Variants in RASAL2 observed in about 807,000 individuals in gnomAD.
RASAL2 encodes the protein RAS protein activator like 2.
RASAL2 carries 58 observed loss-of-function variants against 128.9 expected under a neutral mutation model. The observed-to-expected ratio is 0.45, with a 90% CI of 0.36 to 0.56. The LOEUF (loss-of-function observed/expected upper bound fraction) is 0.56. RASAL2 is among the 20% of genes least tolerant of loss of function. The probability of loss-of-function intolerance (pLI) is 0.00; values close to 1 mark genes in which losing one functional copy is unlikely to be tolerated. For missense variants in RASAL2, 1,360 were observed against 1,601.6 expected (o/e 0.85, Z 2.57); for synonymous variants, 561 against 580.8 (o/e 0.97, Z 0.49).
chr1:178,300,570 C>G (rs1198054043), intron 3 of RASAL2, among the ~76,000 whole-genome samples: 1 of 152,152 alleles, frequency 6.6e-6, no homozygotes, highest in African/African-American at 2.4e-5. Flanking sequence ...CTAAGTTAAT[C>G]TTGCATGTCT....
At position 178,094,685 on chromosome 1, in the gene RASAL2, CG is replaced by C; in HGVS notation, c.196del (p.Val66CysfsTer4). ...ESVCQQQSWV[R>X]VYDVKGPPTH... ...CGTGTGCCAGCAACAGAGCTGGGTCCGGGTGTACGGTAAGGACCACAGGCCG... is the reference window on the plus strand; with the variant it reads ...CGTGTGCCAGCAACAGAGCTGGGTCCGGTGTACGGTAAGGACCACAGGCCG... On this transcript the variant is annotated frameshift_variant, in exon 1 of 18. Transcript: ENST00000367649. LOFTEE classifies it high-confidence loss of function. 1 of 1,614,036 alleles carries C rather than the reference CG, an allele frequency of 6.2e-7. No individual in the cohort carries two copies. Among genetic ancestry groups the C allele is most frequent in the Non-Finnish European group, 8.5e-7 (1 of 1,180,030 alleles).
intron 3 of RASAL2, among the ~76,000 whole-genome samples, chr1:178,321,516 A>AT (rs903732506): frequency 2.7e-5 from 4 of 149,934 alleles, no homozygotes; most frequent in African/African-American, 7.4e-5. Context: ...TTGTTTTTCT[A>AT]TTTTTTTTAG....
chr1:178,201,881 G>A (rs189832815), intron 1 of RASAL2, among the ~76,000 whole-genome samples: 1 of 152,258 alleles, frequency 6.6e-6, no homozygotes, highest in Non-Finnish European at 1.5e-5. Context: ...CCAGACTTGA[G>A]CTAGTTTACA....
intron 3 of RASAL2, among the ~76,000 whole-genome samples, chr1:178,373,738 G>A (rs192136250): frequency 1.3e-5 from 2 of 152,100 alleles, no homozygotes; most frequent in East Asian, 3.9e-4. Context: ...ACAAAGATGA[G>A]TAAATAAAAA....
chr1:178,264,281 A>G (rs1665836224), intron 1 of RASAL2, among the ~76,000 whole-genome samples: 1 of 152,206 alleles, frequency 6.6e-6, no homozygotes, highest in South Asian at 2.1e-4. Context: ...CAACTCTTTC[A>G]GAGGTTTCTT....
At chr1:178,443,265 T>A (rs1333072692) in intron 8 of RASAL2, 36 bp downstream of exon 8, 1 of 1,509,454 alleles carries the variant, frequency 6.6e-7, no homozygotes, top group Non-Finnish European at 9.1e-7. Flanking sequence ...ACCTGAAGTC[T>A]CTTCCCTACC....
chr1:178,216,898 A>C (rs1663438463), intron 1 of RASAL2, among the ~76,000 whole-genome samples: 1 of 152,180 alleles, frequency 6.6e-6, no homozygotes, highest in African/African-American at 2.4e-5. Context: ...CTAATTATAA[A>C]AGTGTTCTGT....
chr1:178,167,181 C>G (rs923027402), intron 1 of RASAL2, among the ~76,000 whole-genome samples: 2 of 152,044 alleles, frequency 1.3e-5, no homozygotes, highest in Non-Finnish European at 2.9e-5. Context: ...TCATAAACCA[C>G]TAGGTTTTGT....
intron 2 of RASAL2, among the ~76,000 whole-genome samples, chr1:178,296,837 TG>T (rs1212620159): frequency 2.0e-5 from 3 of 151,926 alleles, no homozygotes; most frequent in African/African-American, 7.3e-5. Context: ...CATGTCCAAC[TG>T]ATTTTTTGTA....
chr1:178,205,077 T>A (rs922603035), intron 1 of RASAL2, among the ~76,000 whole-genome samples: 10 of 152,194 alleles, frequency 6.6e-5, no homozygotes, highest in Non-Finnish European at 4.4e-5. Context: ...TGATCTTGGC[T>A]CAGTGCAACC....
chr1:178,112,917 GA>G (rs889795203), intron 1 of RASAL2, among the ~76,000 whole-genome samples: 4 of 149,846 alleles, frequency 2.7e-5, no homozygotes, highest in African/African-American at 4.9e-5. Flanking sequence ...AATAGTAAAA[GA>G]AAAAAAAGAA....
intron 1 of RASAL2, among the ~76,000 whole-genome samples, chr1:178,217,226 C>T (rs1449534144): frequency 2.0e-5 from 3 of 152,162 alleles, no homozygotes; most frequent in Admixed American, 1.3e-4. Context: ...CTGCCCACCT[C>T]GGCCTCCCAA....
At chr1:178,321,029 T>G (rs1453273101) in intron 3 of RASAL2, among the ~76,000 whole-genome samples, 1 of 152,220 alleles carries the variant, frequency 6.6e-6, no homozygotes, top group East Asian at 1.9e-4. Context: ...AGTGGCTATC[T>G]CCATTCTTCA....
chr1:178,289,970 A>G (rs897813065), intron 2 of RASAL2, among the ~76,000 whole-genome samples: 6 of 152,040 alleles, frequency 3.9e-5, no homozygotes, highest in African/African-American at 1.4e-4. Context: ...CATACCACAT[A>G]CTTAGTAAGG....
chr1:178,130,701 T>C (rs529358431), intron 1 of RASAL2, among the ~76,000 whole-genome samples: 256 of 152,330 alleles, frequency 1.7e-3, no homozygotes, highest in Non-Finnish European at 3.0e-3. Flanking sequence ...TTTCTTCACC[T>C]TGTTTGGCAG....
intron 3 of RASAL2, among the ~76,000 whole-genome samples, chr1:178,300,567 A>C (rs1405699750): frequency 6.6e-6 from 1 of 152,212 alleles, no homozygotes; most frequent in Non-Finnish European, 1.5e-5. Flanking sequence ...TAGCTAAGTT[A>C]ATCTTGCATG....
At chr1:178,196,293 T>C (rs1662655945) in intron 1 of RASAL2, among the ~76,000 whole-genome samples, 1 of 152,100 alleles carries the variant, frequency 6.6e-6, no homozygotes, top group Admixed American at 6.6e-5. Context: ...AAACAACTAA[T>C]ACTATAAAGA....
intron 1 of RASAL2, among the ~76,000 whole-genome samples, chr1:178,212,783 C>T (rs1288313154): frequency 6.6e-6 from 1 of 152,106 alleles, no homozygotes; most frequent in Admixed American, 6.5e-5. Context: ...GAGCCATGAG[C>T]CGCCGTGCCC....
chr1:178,140,727 T>C (rs1660494815), intron 1 of RASAL2, among the ~76,000 whole-genome samples: 1 of 152,252 alleles, frequency 6.6e-6, no homozygotes, highest in Non-Finnish European at 1.5e-5. Context: ...AAAGGACATC[T>C]TGTTTGCCTC....
Sources: allele counts gnomAD v4.1 joint callset (sites outside exome capture counted in the v4.1 genomes callset), GRCh38; gene constraint gnomAD v4.1.1; transcripts MANE v1.5; gene names NCBI Gene and HGNC (gene_info 2026-07-23, HGNC 2026-07-21).